Variants in TPD52 observed in about 807,000 individuals in gnomAD.
TPD52 encodes tumor protein D52.
Under a neutral mutation model 31.3 loss-of-function variants are expected in TPD52, and 17 were observed. The observed-to-expected ratio is 0.54, with a 90% CI of 0.37 to 0.82. TPD52 has a LOEUF of 0.82. TPD52 is among the 40% of genes least tolerant of loss of function. The pLI is 0.00. For synonymous variants in TPD52, 83 were observed against 89.6 expected (o/e 0.93, Z 0.42); for missense variants, 212 against 240.1 (o/e 0.88, Z 0.77).
intron 1 of TPD52, among the ~76,000 whole-genome samples, chr8:80,075,164 G>A (rs1386397921): frequency 6.6e-6 from 1 of 151,996 alleles, no homozygotes; most frequent in Admixed American, 6.6e-5. Flanking sequence ...TATTTTAGTA[G>A]AGACAGGGTT....
intron 1 of TPD52, among the ~76,000 whole-genome samples, chr8:80,105,773 C>A (rs559221970): frequency 6.7e-5 from 10 of 148,748 alleles, no homozygotes; most frequent in Non-Finnish European, 1.2e-4. Context: ...GCTCCGTCAC[C>A]CAGGCTGGAG....
intron 1 of TPD52, among the ~76,000 whole-genome samples, chr8:80,072,920 T>C (rs1329358691): frequency 2.6e-5 from 4 of 151,852 alleles, no homozygotes; most frequent in Non-Finnish European, 5.9e-5. Context: ...CTGGCCAACC[T>C]GGTGAAACCT....
chr8:80,062,308 G>A (rs534811579), intron 2 of TPD52, among the ~76,000 whole-genome samples: 11 of 152,166 alleles, frequency 7.2e-5, no homozygotes, highest in African/African-American at 2.6e-4. Context: ...AGGATGCCAC[G>A]AGCATTCACT....
At chr8:80,161,748 G>A (rs1336825359) in intron 1 of TPD52, among the ~76,000 whole-genome samples, 2 of 114,802 alleles carry the variant, frequency 1.7e-5, no homozygotes, top group East Asian at 4.4e-4. Context: ...TTTTTTTTCT[G>A]AGACAGAGTC....
At chr8:80,105,618 A>T (rs1807046015) in intron 1 of TPD52, among the ~76,000 whole-genome samples, 1 of 151,836 alleles carries the variant, frequency 6.6e-6, no homozygotes, top group African/African-American at 2.4e-5. Flanking sequence ...TCTTTAACTC[A>T]GTGTCTGAGG....
chr8:80,057,208 T>C (rs1203822339), intron 2 of TPD52, among the ~76,000 whole-genome samples: 1 of 151,984 alleles, frequency 6.6e-6, no homozygotes, highest in Non-Finnish European at 1.5e-5. Flanking sequence ...CACACATCCA[T>C]ACAAAAAGCT....
At chr8:80,099,011 G>A (rs1426328955) in intron 1 of TPD52, among the ~76,000 whole-genome samples, 2 of 152,180 alleles carry the variant, frequency 1.3e-5, no homozygotes, top group Non-Finnish European at 2.9e-5. Context: ...ACTGAGGTAA[G>A]TGCACAATTT....
At chr8:80,062,744 C>G (rs535698397) in intron 2 of TPD52, among the ~76,000 whole-genome samples, 1 of 152,080 alleles carries the variant, frequency 6.6e-6, no homozygotes, top group African/African-American at 2.4e-5. Flanking sequence ...GGGAGGATCA[C>G]GTGAGGCCAG....
At chr8:80,127,618 T>C (rs1176828117) in intron 1 of TPD52, 1 of 152,178 alleles carries the variant, frequency 6.6e-6, no homozygotes, top group Non-Finnish European at 1.5e-5. Context: ...TGAGTTTCCA[T>C]TTAATGGAGC....
intron 4 of TPD52, among the ~76,000 whole-genome samples, chr8:80,050,762 A>G (rs1213454473): frequency 6.6e-6 from 1 of 152,218 alleles, no homozygotes; most frequent in Non-Finnish European, 1.5e-5. Context: ...AAATCTATTC[A>G]ACCAAGAAAT....
chr8:80,065,301 ATC>A (rs1554581777), intron 1 of TPD52, among the ~76,000 whole-genome samples: 419 of 93,494 alleles, frequency 4.5e-3, no homozygotes, highest in South Asian at 7.2e-3. Flanking sequence ...ATATCTATCT[ATC>A]TATATATATA....
At chr8:80,139,714 C>T (rs1382006263) in intron 1 of TPD52, among the ~76,000 whole-genome samples, 1 of 152,176 alleles carries the variant, frequency 6.6e-6, no homozygotes, top group Non-Finnish European at 1.5e-5. Flanking sequence ...AACAATACTG[C>T]ATTATACACT....
intron 1 of TPD52, among the ~76,000 whole-genome samples, chr8:80,106,121 A>G (rs1469073864): frequency 6.6e-6 from 1 of 151,870 alleles, no homozygotes; most frequent in African/African-American, 2.4e-5. Context: ...TTTTTTGGGT[A>G]CAAAGTAGGT....
At chr8:80,146,625 T>C (rs778892879) in intron 1 of TPD52, among the ~76,000 whole-genome samples, 12 of 152,114 alleles carry the variant, frequency 7.9e-5, no homozygotes, top group Non-Finnish European at 1.3e-4. Context: ...TAGACAAACA[T>C]AGCTGCATAA....
At chr8:80,169,395 G>A (rs1811929467) in intron 1 of TPD52, among the ~76,000 whole-genome samples, 1 of 151,976 alleles carries the variant, frequency 6.6e-6, no homozygotes, top group Admixed American at 6.6e-5. Context: ...AAGAACATAT[G>A]GGAAAATTAT....
chr8:80,108,361 TAC>T (rs1410175703), intron 1 of TPD52, among the ~76,000 whole-genome samples: 4 of 152,254 alleles, frequency 2.6e-5, no homozygotes, highest in Admixed American at 2.6e-4. Flanking sequence ...ATAAAATGTC[TAC>T]AGTCATAATC....
At chr8:80,062,450 G>A (rs759490223) in intron 2 of TPD52, among the ~76,000 whole-genome samples, 2 of 152,094 alleles carry the variant, frequency 1.3e-5, no homozygotes, top group Non-Finnish European at 2.9e-5. Context: ...CAAAAACATA[G>A]GGGTAAATCT....
At position 80,061,132 on chromosome 8, in the gene TPD52, G is replaced by A. The variant is rs577329991; in HGVS notation, c.135+3346C>T. Among the ~76,000 whole-genome samples, 23 of 149,658 alleles carry A rather than the reference G, an allele frequency of 1.5e-4. 1 individual carries two copies. In the East Asian group the frequency reaches 3.4e-3, roughly 22 times the overall value. On this transcript the variant is annotated intron_variant, in intron 2 of 7. Coordinates refer to ENST00000518937, the MANE Select transcript of TPD52 (RefSeq NM_001025253.3). ...TGTAATCCCAGCACTTTGGGAGGCC[G>A]AGGCAGGCAGAACACCTGAGGTTGG...
chr8:80,038,063 T>A lies in TPD52; in HGVS notation c.*53A>T. 6.2e-7 allele frequency: 1 copy of A among 1,601,050 alleles called. No individual in the cohort carries two copies. On this transcript the variant is annotated 3_prime_UTR_variant, in exon 8 of 8. Transcript: ENST00000518937. ...GGCAATGCATGTTGACAAGATGTGC[T>A]TGGACCTCGCTTGCAGCATCTGGCA...
Sources: allele counts gnomAD v4.1 joint callset (sites outside exome capture counted in the v4.1 genomes callset), GRCh38; gene constraint gnomAD v4.1.1; transcripts MANE v1.5; gene names NCBI Gene and HGNC (gene_info 2026-07-23, HGNC 2026-07-21).